TASP1: variants seen among roughly 807,000 people sequenced by gnomAD.
The protein encoded by TASP1 is taspase 1.
In TASP1, 16 loss-of-function variants were observed where a neutral mutation model predicts 56.6. The observed-to-expected ratio is 0.28, with a 90% CI of 0.19 to 0.43. The LOEUF is 0.43. TASP1 is among the 20% of genes least tolerant of loss of function. The pLI, the probability that TASP1 is intolerant of heterozygous loss-of-function variation, is 1.00. For missense variants in TASP1, 393 were observed against 511.6 expected (o/e 0.77, Z 2.24); for synonymous variants, 179 against 184.2 (o/e 0.97, Z 0.23).
At chr20:13,318,729 A>G in the TASP1 span, among the ~76,000 whole-genome samples, 2 of 152,216 alleles carry the variant, frequency 1.3e-5, no homozygotes, top group Admixed American at 6.5e-5. Context: ...AGCCATGAGA[A>G]AATATTTTTT....
At chr20:13,627,733 T>TAAAAAAAAAAAAAAAAAAA (rs35542097) in intron 2 of TASP1, among the ~76,000 whole-genome samples, 4 of 119,520 alleles carry the variant, frequency 3.3e-5, no homozygotes, top group Non-Finnish European at 4.9e-5. Flanking sequence ...AACTTAGTCT[T>TAAAAAAAAAAAAAAAAAAA]AAAAAAAAAA....
At chr20:13,447,469 GTGGC>G (rs2043453621) in intron 11 of TASP1, among the ~76,000 whole-genome samples, 1 of 152,082 alleles carries the variant, frequency 6.6e-6, no homozygotes, top group Non-Finnish European at 1.5e-5. Flanking sequence ...AAACTCTTTT[GTGGC>G]TGGTTAGCTA....
intron 4 of TASP1, among the ~76,000 whole-genome samples, chr20:13,620,880 C>T (rs1397608213): frequency 7.9e-5 from 12 of 152,152 alleles, no homozygotes; most frequent in Admixed American, 6.5e-4. Context: ...CAAGCTATTA[C>T]AATACTACCC....
the TASP1 span, among the ~76,000 whole-genome samples, chr20:13,297,119 G>C: frequency 6.6e-6 from 1 of 152,172 alleles, no homozygotes; most frequent in Non-Finnish European, 1.5e-5. Context: ...TGTGCTTCTG[G>C]CCTTGTCACA....
intron 13 of TASP1, among the ~76,000 whole-genome samples, chr20:13,404,908 C>A (rs901219311): frequency 2.0e-5 from 3 of 152,038 alleles, no homozygotes; most frequent in African/African-American, 7.2e-5. Context: ...CACAAATAAT[C>A]CTTTGTGTTA....
At chr20:13,478,415 C>T (rs1455600101) in intron 11 of TASP1, among the ~76,000 whole-genome samples, 1 of 151,954 alleles carries the variant, frequency 6.6e-6, no homozygotes, top group African/African-American at 2.4e-5. Flanking sequence ...ATCATGTCTT[C>T]TGAAGCAACA....
the TASP1 span, among the ~76,000 whole-genome samples, chr20:13,276,046 G>A: frequency 6.6e-6 from 1 of 152,248 alleles, no homozygotes. Flanking sequence ...GAGGGAATTA[G>A]ATATCTTCCT....
the TASP1 span, among the ~76,000 whole-genome samples, chr20:13,265,048 C>A: frequency 4.6e-5 from 7 of 152,118 alleles, no homozygotes; most frequent in African/African-American, 1.7e-4. Flanking sequence ...GTGCGTTGGG[C>A]CCGATGTGTA....
chr20:13,159,893 G>GAA, the TASP1 span: 1 of 1,365,552 alleles, frequency 7.3e-7, no homozygotes, highest in Non-Finnish European at 9.7e-7. Flanking sequence ...TCATAAAAAA[G>GAA]AAAAAAGAAA....
At chr20:13,270,671 C>CT in the TASP1 span, 2 of 1,613,824 alleles carry the variant, frequency 1.2e-6, no homozygotes, top group Admixed American at 3.3e-5. Context: ...TCCCCAGATC[C>CT]TTTCTCCTTG....
chr20:13,294,748 C>G, the TASP1 span, among the ~76,000 whole-genome samples: 1 of 152,230 alleles, frequency 6.6e-6, no homozygotes, highest in Admixed American at 6.5e-5. Flanking sequence ...CCTATCCCAG[C>G]TGGCAGCACC....
At chr20:13,190,552 C>A in the TASP1 span, among the ~76,000 whole-genome samples, 1 of 152,044 alleles carries the variant, frequency 6.6e-6, no homozygotes, top group African/African-American at 2.4e-5. Context: ...GAAATTAGAC[C>A]GCTATCTTCA....
At chr20:13,141,315 A>C in the TASP1 span, among the ~76,000 whole-genome samples, 1 of 152,196 alleles carries the variant, frequency 6.6e-6, no homozygotes, top group Non-Finnish European at 1.5e-5. Flanking sequence ...CTCCTCACTC[A>C]AATTCTGTCT....
At chr20:13,224,182 T>A in the TASP1 span, among the ~76,000 whole-genome samples, 1 of 152,174 alleles carries the variant, frequency 6.6e-6, no homozygotes, top group Non-Finnish European at 1.5e-5. Context: ...GTCCACTCAA[T>A]GCACACACTT....
At chr20:13,421,874 G>A (rs867029137) in intron 12 of TASP1, among the ~76,000 whole-genome samples, 22 of 151,782 alleles carry the variant, frequency 1.4e-4, no homozygotes, top group Middle Eastern at 3.4e-3. Flanking sequence ...ACAGGGCTAA[G>A]TTCCTGCAAA....
intron 10 of TASP1, among the ~76,000 whole-genome samples, chr20:13,485,653 T>C (rs976590501): frequency 6.6e-6 from 1 of 152,166 alleles, no homozygotes; most frequent in Non-Finnish European, 1.5e-5. Context: ...TTCAGTAAAT[T>C]TTTGCAATAT....
At chr20:13,419,395 T>C (rs1486125362) in intron 12 of TASP1, among the ~76,000 whole-genome samples, 3 of 152,198 alleles carry the variant, frequency 2.0e-5, no homozygotes, top group Non-Finnish European at 2.9e-5. Flanking sequence ...CCTTGCACTA[T>C]TCTTGCAACT....
At chr20:13,354,373 T>C in the TASP1 span, among the ~76,000 whole-genome samples, 5 of 152,214 alleles carry the variant, frequency 3.3e-5, no homozygotes, top group Admixed American at 2.6e-4. Flanking sequence ...CTGAGACTCA[T>C]TGAAGTAAAG....
chr20:13,546,679 A>ATAAT (rs1209162771), intron 8 of TASP1, among the ~76,000 whole-genome samples: 1 of 152,344 alleles, frequency 6.6e-6, no homozygotes, highest in East Asian at 1.9e-4. Flanking sequence ...TACCTGCATT[A>ATAAT]ACAGGAAAGG....
Sources: allele counts gnomAD v4.1 joint callset (sites outside exome capture counted in the v4.1 genomes callset), GRCh38; gene constraint gnomAD v4.1.1; transcripts MANE v1.5; gene names NCBI Gene and HGNC (gene_info 2026-07-23, HGNC 2026-07-21).